LY6S: variants seen among roughly 807,000 people sequenced by gnomAD.
The protein encoded by LY6S is lymphocyte antigen 6S.
chr8:143,067,324 T>C, the LY6S span, among the ~76,000 whole-genome samples: 1 of 152,246 alleles, frequency 6.6e-6, no homozygotes, highest in Non-Finnish European at 1.5e-5. Flanking sequence ...AAACATGTGC[T>C]GTATTGAATC....
chr8:143,071,254 C>T, the LY6S span, among the ~76,000 whole-genome samples: 1 of 152,128 alleles, frequency 6.6e-6, no homozygotes, highest in Admixed American at 6.5e-5. Context: ...GACATGTCAG[C>T]TTAAAGCACC....
the LY6S span, among the ~76,000 whole-genome samples, chr8:143,044,399 G>A: frequency 3.9e-5 from 6 of 152,040 alleles, no homozygotes; most frequent in Admixed American, 6.5e-5. Flanking sequence ...GGCCCTGTGG[G>A]CGCCCCCTGC....
chr8:143,054,556 C>G, the LY6S span, among the ~76,000 whole-genome samples: 2 of 152,196 alleles, frequency 1.3e-5, no homozygotes, highest in Non-Finnish European at 2.9e-5. Flanking sequence ...AATTTCACCA[C>G]CACACGGAGT....
chr8:143,052,454 C>G, the LY6S span, among the ~76,000 whole-genome samples: 1 of 152,192 alleles, frequency 6.6e-6, no homozygotes, highest in African/African-American at 2.4e-5. Context: ...CTCTCACTAA[C>G]CCCAGTCCAG....
At chr8:143,049,702 C>T in the LY6S span, among the ~76,000 whole-genome samples, 2 of 152,224 alleles carry the variant, frequency 1.3e-5, no homozygotes, top group African/African-American at 2.4e-5. Flanking sequence ...TCCCATTTCA[C>T]CCCCTCCTTA....
the LY6S span, among the ~76,000 whole-genome samples, chr8:143,049,929 T>C: frequency 1.3e-5 from 2 of 152,136 alleles, no homozygotes; most frequent in African/African-American, 4.8e-5. Context: ...CAAAAACTCA[T>C]CTTCTGTAGC....
At chr8:143,044,938 AGCCCCACACACCT>A in the LY6S span, 1 of 855,288 alleles carries the variant, frequency 1.2e-6, no homozygotes, top group African/African-American at 1.8e-5. Flanking sequence ...CCTTTGCAAT[AGCCCCACACACCT>A]GCCTGCAACT....
the LY6S span, among the ~76,000 whole-genome samples, chr8:143,048,345 GTTTCACGCC>G: frequency 2.0e-5 from 3 of 152,132 alleles, no homozygotes; most frequent in East Asian, 5.8e-4. Flanking sequence ...TCGCTGCTTG[GTTTCACGCC>G]TTTCTGGCCT....
chr8:143,071,832 C>T, the LY6S span, among the ~76,000 whole-genome samples: 119 of 152,192 alleles, frequency 7.8e-4, no homozygotes, highest in Non-Finnish European at 1.5e-3. Flanking sequence ...CCAAGATCTA[C>T]GGGAGTTTCC....
the LY6S span, chr8:143,057,573 C>A: frequency 7.9e-7 from 1 of 1,263,752 alleles, no homozygotes; most frequent in South Asian, 1.2e-5. Context: ...ATAACCGTCT[C>A]TGGTTTATCA....
the LY6S span, among the ~76,000 whole-genome samples, chr8:143,061,499 T>TG: frequency 6.9e-5 from 10 of 144,274 alleles, no homozygotes; most frequent in African/African-American, 2.8e-4. Context: ...TAGGTTTGTT[T>TG]GTTTGGTTGG....
chr8:143,049,098 G>C, the LY6S span: 1 of 516,158 alleles, frequency 1.9e-6, no homozygotes, highest in Non-Finnish European at 4.0e-6. Context: ...ACCTCCTAGC[G>C]CCCTGATTTC....
the LY6S span, among the ~76,000 whole-genome samples, chr8:143,058,927 C>T: frequency 1.8e-4 from 28 of 152,280 alleles, no homozygotes; most frequent in East Asian, 5.2e-3. Flanking sequence ...CTCTGTATGG[C>T]CTGGTTTTTC....
the LY6S span, among the ~76,000 whole-genome samples, chr8:143,049,706 C>T: frequency 6.6e-6 from 1 of 152,240 alleles, no homozygotes; most frequent in South Asian, 2.1e-4. Flanking sequence ...ATTTCACCCC[C>T]TCCTTATGCT....
At chr8:143,072,380 G>A in the LY6S span, among the ~76,000 whole-genome samples, 1,138 of 135,280 alleles carry the variant, frequency 8.4e-3, 1 homozygote, top group African/African-American at 0.033. Context: ...CGTCGTCCTC[G>A]GGATTCCTCT....
At chr8:143,060,036 C>A in the LY6S span, 1 of 153,052 alleles carries the variant, frequency 6.5e-6, no homozygotes, top group African/African-American at 2.4e-5. Flanking sequence ...TTATAATAAT[C>A]TTTGTTCTAC....
the LY6S span, chr8:143,057,697 A>C: frequency 1.8e-5 from 15 of 824,018 alleles, no homozygotes; most frequent in South Asian, 1.9e-4. Context: ...AGCAAGCAGT[A>C]AGGCGTTGTT....
chr8:143,068,356 G>A, the LY6S span, among the ~76,000 whole-genome samples: 1 of 152,172 alleles, frequency 6.6e-6, no homozygotes, highest in African/African-American at 2.4e-5. Flanking sequence ...GCACCTCAAA[G>A]CAGAACAATT....
At chr8:143,060,962 G>A in the LY6S span, among the ~76,000 whole-genome samples, 19 of 148,338 alleles carry the variant, frequency 1.3e-4, no homozygotes, top group African/African-American at 3.4e-4. Flanking sequence ...AAAGAATACC[G>A]TAAAGGAAAA....
Sources: allele counts gnomAD v4.1 joint callset (sites outside exome capture counted in the v4.1 genomes callset), GRCh38; gene constraint gnomAD v4.1.1; transcripts MANE v1.5; gene names NCBI Gene and HGNC (gene_info 2026-07-23, HGNC 2026-07-21).